Variants in AUTS2 observed in about 807,000 individuals in gnomAD.
The protein encoded by AUTS2 is autism susceptibility gene 2 protein.
Under a neutral mutation model 112.4 loss-of-function variants are expected in AUTS2, and 17 were observed. The observed-to-expected ratio is 0.15, with a 90% CI of 0.10 to 0.23. The LOEUF is 0.23. Ranked by LOEUF, AUTS2 falls within the 10% of genes least tolerant of loss-of-function variation. AUTS2 has a pLI of 1.00. For synonymous variants in AUTS2, 751 were observed against 702.7 expected (o/e 1.07, Z -1.09); for missense variants, 1,510 against 1,701.6 (o/e 0.89, Z 1.98).
At chr7:70,584,714 T>C (rs1802605030) in intron 5 of AUTS2, among the ~76,000 whole-genome samples, 1 of 152,264 alleles carries the variant, frequency 6.6e-6, no homozygotes, top group South Asian at 2.1e-4. Flanking sequence ...CACAGGCCCC[T>C]GTTCCAGGGA....
intron 1 of AUTS2, among the ~76,000 whole-genome samples, chr7:69,874,163 C>T (rs919870070): frequency 1.3e-5 from 2 of 151,868 alleles, no homozygotes; most frequent in African/African-American, 4.8e-5. Flanking sequence ...GAGACCAGGG[C>T]AGGAGGATCA....
Position 70,785,348 on chromosome 7 carries a change from A to T in AUTS2, c.2224+329A>T, listed in dbSNP as rs1434119239. ...GCCTGTTCCTGCCCATTGGAAGAAG[A>T]TGGTGAGCTCTTGCCCCATAGCAAA... On this transcript the variant is annotated intron_variant, in intron 16 of 18. Coordinates refer to ENST00000342771, the MANE Select transcript of AUTS2 (RefSeq NM_015570.4). 13 of 559,230 alleles carry T rather than the reference A, an allele frequency of 2.3e-5. No individual in the cohort carries two copies. The Admixed American group carries it at 2.4e-4, about 10-fold the overall frequency. The allele number at this position is 559,230 out of a possible 1,614,324, so 34.6% of individuals were successfully genotyped here.
At chr7:70,242,424 C>T (rs1812666670) in intron 4 of AUTS2, among the ~76,000 whole-genome samples, 1 of 152,198 alleles carries the variant, frequency 6.6e-6, no homozygotes, top group Admixed American at 6.5e-5. Flanking sequence ...ACTTCCCCTG[C>T]TCTTTCCTCC....
intron 4 of AUTS2, among the ~76,000 whole-genome samples, chr7:70,351,865 C>G (rs892205394): frequency 1.2e-4 from 19 of 152,136 alleles, no homozygotes; most frequent in African/African-American, 4.6e-4. Flanking sequence ...GCACACCCAA[C>G]TAATTTTTGT....
intron 5 of AUTS2, among the ~76,000 whole-genome samples, chr7:70,502,919 G>A (rs1798822760): frequency 6.6e-6 from 1 of 150,908 alleles, no homozygotes; most frequent in Non-Finnish European, 1.5e-5. Flanking sequence ...GGAGTTTTGG[G>A]CATTTAGGGT....
chr7:70,114,716 G>A (rs964055323), intron 2 of AUTS2, among the ~76,000 whole-genome samples: 7 of 152,018 alleles, frequency 4.6e-5, no homozygotes, highest in Admixed American at 2.0e-4. Flanking sequence ...CAGGAGAATC[G>A]CTTGAACCGG....
At chr7:69,821,810 A>C (rs1249031820) in intron 1 of AUTS2, among the ~76,000 whole-genome samples, 2 of 151,572 alleles carry the variant, frequency 1.3e-5, no homozygotes, top group African/African-American at 4.9e-5. Flanking sequence ...AAGCTACTCC[A>C]GAGGCTGAGG....
At chr7:70,435,929 C>A in intron 5 of AUTS2, 148 bp downstream of exon 5, 1 of 774,954 alleles carries the variant, frequency 1.3e-6, no homozygotes, top group Non-Finnish European at 2.1e-6. Flanking sequence ...CACACAGTGA[C>A]ATTTCCTATG....
chr7:70,458,787 G>A (rs778698384), intron 5 of AUTS2, among the ~76,000 whole-genome samples: 4 of 152,154 alleles, frequency 2.6e-5, no homozygotes, highest in South Asian at 4.2e-4. Flanking sequence ...GTGTTTTCTC[G>A]CTAGATTGTG....
At chr7:69,721,898 A>T (rs542149145) in intron 1 of AUTS2, among the ~76,000 whole-genome samples, 1 of 152,206 alleles carries the variant, frequency 6.6e-6, no homozygotes, top group Non-Finnish European at 1.5e-5. Context: ...TACATGGGAA[A>T]GCATGACAAA....
chr7:69,707,453 A>G (rs1312019460), intron 1 of AUTS2, among the ~76,000 whole-genome samples: 2 of 152,224 alleles, frequency 1.3e-5, no homozygotes, highest in Non-Finnish European at 2.9e-5. Context: ...ATGCAGGTGT[A>G]AGAAATATTC....
At chr7:70,023,344 C>T (rs1253984069) in intron 2 of AUTS2, among the ~76,000 whole-genome samples, 1 of 152,168 alleles carries the variant, frequency 6.6e-6, no homozygotes, top group African/African-American at 2.4e-5. Context: ...TACAAACTGC[C>T]GTTCCTGGTG....
intron 4 of AUTS2, chr7:70,292,484 G>T (rs1788753154): frequency 6.6e-6 from 1 of 152,382 alleles, no homozygotes; most frequent in Admixed American, 6.5e-5. Context: ...GCATAGATGT[G>T]TCAACTCAGC....
intron 1 of AUTS2, among the ~76,000 whole-genome samples, chr7:69,684,970 C>G (rs1216698082): frequency 6.6e-6 from 1 of 152,176 alleles, no homozygotes; most frequent in Non-Finnish European, 1.5e-5. Flanking sequence ...GATTACGTGC[C>G]TGGTGTGTAC....
chr7:70,370,513 T>G (rs1420193740), intron 4 of AUTS2, among the ~76,000 whole-genome samples: 2 of 152,258 alleles, frequency 1.3e-5, no homozygotes, highest in Non-Finnish European at 2.9e-5. Flanking sequence ...ATGTCAGTAC[T>G]TCATCTCTTT....
intron 4 of AUTS2, among the ~76,000 whole-genome samples, chr7:70,208,915 C>A (rs975465864): frequency 3.3e-5 from 5 of 151,712 alleles, no homozygotes; most frequent in Non-Finnish European, 7.4e-5. Context: ...GAAGATGAGT[C>A]ATGCAGAGCC....
chr7:69,999,811 T>C (rs973771917), intron 2 of AUTS2, among the ~76,000 whole-genome samples: 3 of 152,190 alleles, frequency 2.0e-5, no homozygotes, highest in African/African-American at 7.2e-5. Context: ...ACTTTATATT[T>C]TAAAAGGCCT....
At chr7:70,666,596 T>C (rs189535711) in intron 5 of AUTS2, among the ~76,000 whole-genome samples, 1 of 152,350 alleles carries the variant, frequency 6.6e-6, no homozygotes, top group Admixed American at 6.5e-5. Context: ...CCCTTCTTCC[T>C]GTCTCAAAAC....
chr7:69,863,305 T>G (rs1461830052), intron 1 of AUTS2, among the ~76,000 whole-genome samples: 2 of 152,166 alleles, frequency 1.3e-5, no homozygotes, highest in African/African-American at 2.4e-5. Context: ...TAAATTATAT[T>G]AGGTATTATG....
Sources: gnomAD v4.1 joint callset for allele counts (sites outside exome capture counted in the v4.1 genomes callset) on GRCh38, gnomAD v4.1.1 for gene constraint, MANE v1.5 for transcripts, NCBI Gene and HGNC (gene_info 2026-07-23, HGNC 2026-07-21) for gene names.